The following COL22A1 variants were observed in gnomAD, a reference collection of about 807,000 sequenced individuals.
COL22A1 encodes collagen type XXII alpha 1 chain, also known as collagen alpha-1(XXII) chain.
A neutral mutation model predicts 248.9 loss-of-function variants in COL22A1; 221 were observed. That is an observed-to-expected ratio of 0.89 (90% CI 0.80 to 0.99). The LOEUF (loss-of-function observed/expected upper bound fraction) is 0.99. COL22A1 is among the 50% of genes least tolerant of loss of function. The pLI, the probability that COL22A1 is intolerant of heterozygous loss-of-function variation, is 0.00. For synonymous variants in COL22A1, 891 were observed against 793.4 expected, an observed-to-expected ratio of 1.12 and a Z score of -2.07; for missense variants, 2,240 against 2,179.0, an observed-to-expected ratio of 1.03 and a Z score of -0.56.
intron 28 of COL22A1, among the ~76,000 whole-genome samples, chr8:138,716,561 A>G (rs887511224): frequency 6.6e-6 from 1 of 151,904 alleles, no homozygotes; most frequent in African/African-American, 2.4e-5. Flanking sequence ...TTTCTTTAGG[A>G]CTCAGCAACA....
intron 30 of COL22A1, among the ~76,000 whole-genome samples, chr8:138,712,930 C>A (rs555294502): frequency 6.6e-6 from 1 of 152,018 alleles, no homozygotes; most frequent in Non-Finnish European, 1.5e-5. Context: ...GCAGAGGGTA[C>A]GTGTTCTATC....
rs1435962121 is a variant in COL22A1, at chr8:138,639,863, T to G, written c.3502-3068A>C. 2.0e-5 allele frequency among the ~76,000 whole-genome samples: 3 copies of G among 152,342 alleles called. No individual in the cohort carries two copies. In the East Asian group the frequency reaches 5.8e-4, roughly 29 times the overall value. On this transcript the variant is annotated intron_variant, in intron 47 of 64. Transcript: ENST00000303045. ...ACTTCAGCAGATGCCTGGCTCCAAG[T>G]TGCAAATCTATTTCCTGCCATGAAG... is the stretch of plus-strand genomic sequence containing the variant.
intron 35 of COL22A1, among the ~76,000 whole-genome samples, chr8:138,693,308 T>C (rs1281810549): frequency 1.3e-5 from 2 of 152,142 alleles, no homozygotes; most frequent in Non-Finnish European, 2.9e-5. Flanking sequence ...GTTCTCTGGT[T>C]TGTAGAGTAC....
chr8:138,802,751 G>A, intron 11 of COL22A1, 121 bp downstream of exon 11: 1 of 771,296 alleles, frequency 1.3e-6, no homozygotes, highest in South Asian at 1.4e-5. Flanking sequence ...TGGTGTGGGA[G>A]TAGTGCCTGG....
Position 138,807,782 on chromosome 8 carries a change from G to T in COL22A1, c.1480C>A (p.Leu494Ile), listed in dbSNP as rs774280907. Residue 494 changes from leucine to isoleucine, a missense_variant, in exon 10 of 65, where the codon CTC becomes ATC. Transcript: ENST00000303045. Reference protein sequence around the residue: ...GEMGVAGPMGLPGPKGDIGAI... With the variant: ...GEMGVAGPMGIPGPKGDIGAI... Reference sequence around the variant, plus strand: ...CCTGTACTGACCTTTGGACCAGGGAGCCCCATGGGGCCAGCAACTCCCATT... The same window carrying T: ...CCTGTACTGACCTTTGGACCAGGGATCCCCATGGGGCCAGCAACTCCCATT... 35 of 1,613,908 alleles carry T rather than the reference G, an allele frequency of 2.2e-5. No homozygotes were observed. The highest frequency in any genetic ancestry group is 3.0e-5 in the Non-Finnish European group (35 of 1,179,944).
chr8:138,886,738 G>A (rs1342686347), intron 1 of COL22A1, among the ~76,000 whole-genome samples: 3 of 152,146 alleles, frequency 2.0e-5, no homozygotes, highest in Non-Finnish European at 2.9e-5. Context: ...GGATCCTCAC[G>A]TTCATGCTAT....
chr8:138,642,589 G>A (rs373940202), intron 47 of COL22A1, among the ~76,000 whole-genome samples: 18 of 152,272 alleles, frequency 1.2e-4, no homozygotes, highest in African/African-American at 3.6e-4. Flanking sequence ...CAAACCCTCC[G>A]TTGAAGCAAA....
chr8:138,875,395 A>T lies in COL22A1; in HGVS notation c.658+2355T>A, dbSNP rs144080309. On this transcript the variant is annotated intron_variant, in intron 3 of 64. Coordinates refer to ENST00000303045, the MANE Select transcript of COL22A1 (RefSeq NM_152888.3). ...CCCTGGGCATGAAGCTCCTGCTGAG[A>T]TCCAGAACCACTCTGAACCAAGACT... Among the ~76,000 whole-genome samples the T allele has an allele frequency of 2.6e-3, 398 of 152,180 alleles. 1 individual carries two copies. The highest frequency in any genetic ancestry group is 9.0e-3 in the African/African-American group (373 of 41,504).
At chr8:138,744,411 AG>A (rs1249550831) in intron 22 of COL22A1, among the ~76,000 whole-genome samples, 1 of 152,108 alleles carries the variant, frequency 6.6e-6, no homozygotes, top group Non-Finnish European at 1.5e-5. Context: ...ATCTATTCAA[AG>A]CATGCACAGC....
At chr8:138,773,495 G>A (rs566776125) in intron 16 of COL22A1, among the ~76,000 whole-genome samples, 45 of 152,360 alleles carry the variant, frequency 3.0e-4, no homozygotes, top group East Asian at 1.3e-3. Context: ...GGATCTGGCC[G>A]TAGGACATGT....
chr8:138,647,888 G>A (rs1381688775), intron 46 of COL22A1, among the ~76,000 whole-genome samples: 1 of 152,164 alleles, frequency 6.6e-6, no homozygotes, highest in Non-Finnish European at 1.5e-5. Context: ...ATTTAGAAAT[G>A]CCACCCTGAC....
chr8:138,784,500 C>T (rs183693296), intron 12 of COL22A1, among the ~76,000 whole-genome samples: 60 of 152,266 alleles, frequency 3.9e-4, no homozygotes, highest in African/African-American at 1.4e-3. Flanking sequence ...CCCCATTTGG[C>T]AGTTCTGGAA....
At chr8:138,860,239 T>C (rs1470431209) in intron 3 of COL22A1, among the ~76,000 whole-genome samples, 2 of 152,176 alleles carry the variant, frequency 1.3e-5, no homozygotes, top group African/African-American at 4.8e-5. Flanking sequence ...TTAACCTTGA[T>C]CTAATCGATT....
chr8:138,860,829 A>C (rs754942707), intron 3 of COL22A1, among the ~76,000 whole-genome samples: 5 of 151,860 alleles, frequency 3.3e-5, no homozygotes, highest in Non-Finnish European at 5.9e-5. Context: ...AAGACAACTC[A>C]CTTTCTCCCG....
intron 58 of COL22A1, among the ~76,000 whole-genome samples, chr8:138,605,334 G>A (rs1175454169): frequency 6.6e-6 from 1 of 152,212 alleles, no homozygotes; most frequent in African/African-American, 2.4e-5. Flanking sequence ...ATGTAGTGAG[G>A]GCTGGACAAG....
intron 53 of COL22A1, among the ~76,000 whole-genome samples, chr8:138,617,785 CT>C (rs1223095788): frequency 6.6e-6 from 1 of 152,178 alleles, no homozygotes; most frequent in Non-Finnish European, 1.5e-5. Context: ...GCTGTGGGAT[CT>C]TGGAAGCTCT....
chr8:138,818,181 G>A (rs796699091), intron 7 of COL22A1, among the ~76,000 whole-genome samples: 9 of 152,270 alleles, frequency 5.9e-5, no homozygotes, highest in East Asian at 1.9e-4. Flanking sequence ...GGCTGGATAA[G>A]ATGCTCTCTG....
At chr8:138,718,666 A>C (rs1434379613) in intron 27 of COL22A1, among the ~76,000 whole-genome samples, 1 of 152,238 alleles carries the variant, frequency 6.6e-6, no homozygotes, top group African/African-American at 2.4e-5. Flanking sequence ...TAAAGTAACA[A>C]GACCCTCTGC....
chr8:138,610,787 A>G (rs373846768), intron 56 of COL22A1, among the ~76,000 whole-genome samples: 6 of 152,328 alleles, frequency 3.9e-5, no homozygotes, highest in African/African-American at 1.4e-4. Context: ...TTTCCAGCCA[A>G]CCATGGTGGC....
Sources: gnomAD v4.1 joint callset for allele counts (sites outside exome capture counted in the v4.1 genomes callset) on GRCh38, gnomAD v4.1.1 for gene constraint, MANE v1.5 for transcripts, NCBI Gene and HGNC (gene_info 2026-07-23, HGNC 2026-07-21) for gene names.